Variants in EPHB1 observed in about 807,000 individuals in gnomAD.
EPHB1 encodes ephrin type-B receptor 1.
In EPHB1, 30 loss-of-function variants were observed where a neutral mutation model predicts 94.4. The observed-to-expected ratio is 0.32, with a 90% CI of 0.24 to 0.43. EPHB1 has a LOEUF of 0.43. Among genes scored for constraint, EPHB1 ranks in the 20% least tolerant of loss-of-function variants. The pLI, the probability that EPHB1 is intolerant of heterozygous loss-of-function variation, is 1.00. For synonymous variants in EPHB1, 522 were observed against 489.1 expected, an observed-to-expected ratio of 1.07 and a Z score of -0.89; for missense variants, 1,055 against 1,308.3, an observed-to-expected ratio of 0.81 and a Z score of 2.99.
chr3:134,816,413 T>A (rs534085591), intron 1 of EPHB1, among the ~76,000 whole-genome samples: 1 of 151,984 alleles, frequency 6.6e-6, no homozygotes, highest in East Asian at 1.9e-4. Flanking sequence ...CCTGAAGCAG[T>A]TGAGTGTTGG....
chr3:134,857,396 GAT>G (rs1553858239), intron 1 of EPHB1, among the ~76,000 whole-genome samples: 5 of 152,014 alleles, frequency 3.3e-5, no homozygotes, highest in Non-Finnish European at 7.4e-5. Context: ...TCCTACTTTC[GAT>G]ACAGGCAGTC....
Position 134,795,583 on chromosome 3 carries a change from C to G in EPHB1, c.-49C>G, listed in dbSNP as rs115974959. The G allele has an allele frequency of 6.3e-7, 1 of 1,583,154 alleles. No homozygotes were observed. On this transcript the variant is annotated 5_prime_UTR_variant, in exon 1 of 16. Transcript: ENST00000398015. The stretch of plus-strand genomic sequence containing the variant: ...GGCGCCCTGGGACGCGGCGCTCTCC[C>G]GGCGCTGCTGCCTCGGCTTGGTCTC...
At chr3:135,165,181 A>C (rs745323194) in intron 7 of EPHB1, among the ~76,000 whole-genome samples, 2 of 152,212 alleles carry the variant, frequency 1.3e-5, no homozygotes, top group Non-Finnish European at 2.9e-5. Flanking sequence ...TAAAGAAAAG[A>C]GATTTGGTAT....
At chr3:134,922,916 T>C (rs993510983) in intron 1 of EPHB1, among the ~76,000 whole-genome samples, 1 of 152,226 alleles carries the variant, frequency 6.6e-6, no homozygotes, top group African/African-American at 2.4e-5. Context: ...AGGATTCAGT[T>C]GCCCCTGTTT....
intron 3 of EPHB1, among the ~76,000 whole-genome samples, chr3:135,080,770 A>G (rs1310052033): frequency 6.6e-6 from 1 of 152,156 alleles, no homozygotes; most frequent in Non-Finnish European, 1.5e-5. Context: ...CATCTGTGAA[A>G]TGGTATAATA....
chr3:135,258,554 G>A (rs1458402598), intron 15 of EPHB1, among the ~76,000 whole-genome samples: 2 of 152,074 alleles, frequency 1.3e-5, no homozygotes, highest in Non-Finnish European at 2.9e-5. Context: ...GGCAGCAAAT[G>A]GAAACTCAGG....
At chr3:135,063,121 A>G (rs1198549592) in intron 3 of EPHB1, among the ~76,000 whole-genome samples, 10 of 152,160 alleles carry the variant, frequency 6.6e-5, no homozygotes, top group Admixed American at 2.6e-4. Context: ...AGGTCGTATG[A>G]TGCCTCCAGA....
At position 135,248,449 on chromosome 3, in the gene EPHB1, C is replaced by A. The variant is rs2107731314; in HGVS notation, c.2630C>A (p.Thr877Asn). Residue 877 changes from threonine (T) to asparagine (N), a missense_variant, in exon 14 of 16, where the codon ACC becomes AAC. Thr to Asn is a moderately conservative substitution (Grantham distance 65). Coordinates refer to ENST00000398015, the MANE Select transcript of EPHB1 (RefSeq NM_004441.5). The stretch of plus-strand genomic sequence containing the variant: ...CCCCGGTTTGCGGAGATTGTCAACA[C>A]CCTAGATAAGATGATCCGGAACCCG... The part of the protein sequence containing the change: ...SRPRFAEIVN[T>N]LDKMIRNPAS... 6.2e-7 allele frequency: 1 copy of A among 1,613,658 alleles called. No individual in the cohort carries two copies. Among genetic ancestry groups the A allele is most frequent in the Non-Finnish European group, 8.5e-7 (1 of 1,179,704 alleles).
At chr3:135,082,816 C>T (rs576640789) in intron 3 of EPHB1, among the ~76,000 whole-genome samples, 4 of 152,312 alleles carry the variant, frequency 2.6e-5, no homozygotes, top group South Asian at 2.1e-4. Context: ...TACAAGTCCA[C>T]GAGTATTGTC....
chr3:135,019,545 A>C (rs1935919933), intron 3 of EPHB1, among the ~76,000 whole-genome samples: 1 of 152,236 alleles, frequency 6.6e-6, no homozygotes, highest in African/African-American at 2.4e-5. Context: ...GATATAAAGA[A>C]AAAATGAAAA....
intron 13 of EPHB1, among the ~76,000 whole-genome samples, chr3:135,244,364 G>T (rs139387894): frequency 6.6e-6 from 1 of 152,130 alleles, no homozygotes; most frequent in African/African-American, 2.4e-5. Context: ...TGGTCTCCTT[G>T]CCCCCAGAGC....
intron 9 of EPHB1, among the ~76,000 whole-genome samples, chr3:135,177,450 C>T (rs1262544386): frequency 1.3e-5 from 2 of 152,274 alleles, no homozygotes; most frequent in East Asian, 1.9e-4. Flanking sequence ...CCTGCCCACC[C>T]GTACAACAGG....
chr3:134,978,981 G>A (rs1485419542), intron 3 of EPHB1, among the ~76,000 whole-genome samples: 3 of 152,224 alleles, frequency 2.0e-5, no homozygotes, highest in Admixed American at 6.5e-5. Context: ...TGTCCTCATG[G>A]AGGGTGGGGC....
rs1354328747 is a variant in EPHB1, at chr3:135,053,023, GTGTGTATATA to G, written c.806-53423_806-53414del. Reference sequence around the variant, plus strand: ...TGTGTGTGTATATATATGTGTGTGTGTGTGTATATATATATATATATATATATATATAAAG... The same window carrying G: ...TGTGTGTGTATATATATGTGTGTGTGTATATATATATATATATATATAAAG... On this transcript the variant is annotated intron_variant, in intron 3 of 15. Coordinates refer to ENST00000398015, the MANE Select transcript of EPHB1 (RefSeq NM_004441.5). Among the ~76,000 whole-genome samples the G allele has an allele frequency of 2.8e-4, 19 of 68,560 alleles. 1 individual carries two copies. The highest frequency in any genetic ancestry group is 7.3e-4 in the African/African-American group (13 of 17,740). 45.0% of individuals were successfully genotyped at this position (68,560 alleles called of 152,430 possible). A position where few individuals can be genotyped will look rare whatever the true frequency, so the allele number is the denominator to read the frequency against.
intron 12 of EPHB1, among the ~76,000 whole-genome samples, chr3:135,222,370 A>G (rs1943294482): frequency 6.6e-6 from 1 of 152,172 alleles, no homozygotes; most frequent in African/African-American, 2.4e-5. Flanking sequence ...CAAACGCAAT[A>G]TGTGATTGGT....
chr3:135,177,316 C>T (rs541102947), intron 9 of EPHB1, among the ~76,000 whole-genome samples: 6 of 152,200 alleles, frequency 3.9e-5, no homozygotes, highest in African/African-American at 9.7e-5. Flanking sequence ...AGCTTGTTAA[C>T]GCTGACCTGC....
chr3:135,067,343 G>A (rs533016937), intron 3 of EPHB1, among the ~76,000 whole-genome samples: 1 of 152,206 alleles, frequency 6.6e-6, no homozygotes, highest in East Asian at 1.9e-4. Context: ...TCTGAGCTCA[G>A]ACCCTCCTTG....
intron 3 of EPHB1, among the ~76,000 whole-genome samples, chr3:135,106,113 G>T (rs1939209837): frequency 6.6e-6 from 1 of 152,188 alleles, no homozygotes; most frequent in Admixed American, 6.5e-5. Context: ...AGAAGAGGGA[G>T]TAACCATTTA....
intron 1 of EPHB1, among the ~76,000 whole-genome samples, chr3:134,807,510 T>TGTGTGTGTGTGTGCAC (rs2036087296): frequency 6.7e-6 from 1 of 148,536 alleles, no homozygotes. Flanking sequence ...TGTGTGTGTG[T>TGTGTGTGTGTGTGCAC]GTGTGTGTGT....
Sources: gnomAD v4.1 joint callset for allele counts (sites outside exome capture counted in the v4.1 genomes callset) on GRCh38, gnomAD v4.1.1 for gene constraint, MANE v1.5 for transcripts, NCBI Gene and HGNC (gene_info 2026-07-23, HGNC 2026-07-21) for gene names.